TEX15: variants seen among roughly 807,000 people sequenced by gnomAD.
TEX15 encodes testis-expressed protein 15.
A neutral mutation model predicts 237.3 loss-of-function variants in TEX15; 171 were observed. That is an observed-to-expected ratio of 0.72 (90% CI 0.64 to 0.82). The LOEUF (loss-of-function observed/expected upper bound fraction) is 0.82. Among genes scored for constraint, TEX15 ranks in the 40% least tolerant of loss-of-function variants. The probability of loss-of-function intolerance (pLI) is 0.00; values close to 1 mark genes in which losing one functional copy is unlikely to be tolerated. For missense variants in TEX15, 3,750 were observed against 3,646.5 expected (o/e 1.03, Z -0.73); for synonymous variants, 1,338 against 1,269.8 (o/e 1.05, Z -1.14).
chr8:30,849,526 G>A (rs933118997), intron 7 of TEX15, among the ~76,000 whole-genome samples: 1 of 151,992 alleles, frequency 6.6e-6, no homozygotes, highest in Non-Finnish European at 1.5e-5. Context: ...AATTCTCCTC[G>A]TCTAGAAACC....
intron 9 of TEX15, among the ~76,000 whole-genome samples, chr8:30,838,431 T>C (rs879941784): frequency 1.6e-4 from 25 of 152,034 alleles, no homozygotes; most frequent in Non-Finnish European, 1.3e-4. Flanking sequence ...TACTTGTAAA[T>C]AGCTATAAAT....
intron 1 of TEX15, among the ~76,000 whole-genome samples, chr8:30,906,272 T>C (rs1809101726): frequency 6.6e-6 from 1 of 152,172 alleles, no homozygotes; most frequent in South Asian, 2.1e-4. Flanking sequence ...GGGAAGTCTT[T>C]GTTTCTGTTT....
chr8:30,858,719 G>A lies in TEX15; in HGVS notation c.799C>T (p.Arg267Cys), dbSNP rs755905806. Reference sequence around the variant, plus strand: ...AGGAATCTCAAAGATGTCATAAGGCGTCCATTATCTACTTTTGAACCAAGA... The same window carrying A: ...AGGAATCTCAAAGATGTCATAAGGCATCCATTATCTACTTTTGAACCAAGA... ...KFLGSKVDNG[R>C]LMTSLRFLST... The change falls in exon 7 of 11, where the codon CGC becomes TGC. Residue 267 changes from arginine (R) to cysteine (C), a missense_variant. By Grantham distance (180) the Arg-to-Cys change is radical (BLOSUM62 -3). Transcript: ENST00000643185. The A allele has an allele frequency of 2.4e-5, 37 of 1,535,584 alleles. No individual in the cohort carries two copies. Among genetic ancestry groups the A allele is most frequent in the South Asian group, 1.8e-4 (15 of 84,028 alleles).
At chr8:30,841,588 A>G (rs1379057423) in intron 8 of TEX15, among the ~76,000 whole-genome samples, 1 of 152,202 alleles carries the variant, frequency 6.6e-6, no homozygotes, top group African/African-American at 2.4e-5. Flanking sequence ...CATTGGGATG[A>G]TAATGGTCAA....
intron 5 of TEX15, among the ~76,000 whole-genome samples, chr8:30,866,726 TACACACAC>T (rs148604518): frequency 6.7e-6 from 1 of 148,950 alleles, no homozygotes; most frequent in African/African-American, 2.5e-5. Context: ...GACACACACA[TACACACAC>T]ACACACACAC....
chr8:30,842,083 C>A lies in TEX15; in HGVS notation c.8084G>T (p.Arg2695Leu), dbSNP rs760604772. Residue 2695 changes from arginine (R) to leucine (L), a missense_variant, in exon 8 of 11, where the codon CGA (arginine) becomes CTA (leucine). Physicochemically the swap from Arg to Leu is moderately radical, Grantham distance 102. Transcript: ENST00000643185. The stretch of plus-strand genomic sequence containing the variant: ...TTCACATTTGTCTACAGTGCTCGGT[C>A]GTTTTTTAGAGGAATTTGAGATGTT... ...NKNISNSSKK[R>L]PSTVDKCEDS... is the part of the protein sequence containing the mutation. 2.5e-6 allele frequency: 4 copies of A among 1,613,450 alleles called. No homozygotes were observed. The South Asian group carries it at 3.3e-5, about 13-fold the overall frequency.
At chr8:30,889,952 T>TATACATATATATATATATATATAC (rs1264779192) in intron 2 of TEX15, among the ~76,000 whole-genome samples, 1 of 131,946 alleles carries the variant, frequency 7.6e-6, no homozygotes, top group African/African-American at 3.4e-5. Context: ...TATATATATA[T>TATACATATATATATATATATATAC]ACATATATAT....
At chr8:30,910,808 A>C (rs1809200654) in intron 1 of TEX15, among the ~76,000 whole-genome samples, 1 of 151,848 alleles carries the variant, frequency 6.6e-6, no homozygotes, top group African/African-American at 2.4e-5. Flanking sequence ...ACTCTCCCTC[A>C]AATTTTGACA....
intron 10 of TEX15, among the ~76,000 whole-genome samples, chr8:30,836,494 G>A (rs1807303359): frequency 6.6e-6 from 1 of 152,074 alleles, no homozygotes; most frequent in African/African-American, 2.4e-5. Flanking sequence ...TTACAGGTGT[G>A]AGCCACTGCG....
intron 1 of TEX15, among the ~76,000 whole-genome samples, chr8:30,901,177 G>C (rs1056907820): frequency 1.3e-5 from 2 of 151,946 alleles, no homozygotes; most frequent in East Asian, 3.8e-4. Flanking sequence ...AAACCAAAAT[G>C]GTCTTCAATA....
chr8:30,884,158 C>T (rs983578502), intron 3 of TEX15, among the ~76,000 whole-genome samples: 6 of 152,330 alleles, frequency 3.9e-5, no homozygotes, highest in African/African-American at 1.4e-4. Flanking sequence ...TCCTATTTAT[C>T]CACGGCCTCA....
In TEX15 at chr8:30,843,134, G is replaced by C; in HGVS notation, c.7033C>G (p.His2345Asp). ...DTIIASRKSDHPINEATISIE... is the reference protein window; with the variant it reads ...DTIIASRKSDDPINEATISIE... ...CTAATTGTTGCTTCGTTTATTGGAT[G>C]ATCTGACTTTCTGGAAGCAATTATA... The change falls in exon 8 of 11, where the codon CAT becomes GAT. Residue 2345 changes from histidine to aspartate, a missense_variant. Coordinates refer to ENST00000643185, the MANE Select transcript of TEX15 (RefSeq NM_001350162.2). The C allele has an allele frequency of 6.2e-7, 1 of 1,612,984 alleles. No homozygotes were observed. The highest frequency in any genetic ancestry group is 8.5e-7 in the Non-Finnish European group (1 of 1,179,468).
intron 1 of TEX15, among the ~76,000 whole-genome samples, chr8:30,909,314 T>G (rs912750615): frequency 5.9e-5 from 9 of 151,992 alleles, no homozygotes; most frequent in Non-Finnish European, 8.8e-5. Context: ...AGGATTTAAT[T>G]GTCCACATGT....
Position 30,881,311 on chromosome 8 carries a change from T to C in TEX15, c.136+5856A>G, listed in dbSNP as rs564126089. On this transcript the variant is annotated intron_variant, in intron 3 of 10. Transcript: ENST00000643185. ...GAAGAGATTGTATAGTTTCTGTTCT[T>C]TAAATCTTTAGAATTCTCCAGTGAA... Among the ~76,000 whole-genome samples the C allele has an allele frequency of 2.6e-5, 4 of 152,302 alleles. No individual in the cohort carries two copies. In the South Asian group the frequency reaches 8.3e-4, roughly 32 times the overall value.
At chr8:30,909,641 G>C (rs914861774) in intron 1 of TEX15, among the ~76,000 whole-genome samples, 5 of 152,100 alleles carry the variant, frequency 3.3e-5, no homozygotes, top group African/African-American at 1.2e-4. Context: ...TTGTGAAATA[G>C]AGCTATTTCT....
At chr8:30,840,209 T>G (rs1316849840) in intron 8 of TEX15, among the ~76,000 whole-genome samples, 3 of 152,068 alleles carry the variant, frequency 2.0e-5, no homozygotes, top group African/African-American at 7.2e-5. Context: ...ATCTTTTTTT[T>G]TTTTGAGATG....
intron 1 of TEX15, among the ~76,000 whole-genome samples, chr8:30,907,545 A>G (rs1809130482): frequency 6.9e-6 from 1 of 145,616 alleles, no homozygotes; most frequent in Non-Finnish European, 1.5e-5. Flanking sequence ...TATAAAATGT[A>G]TATACAAAAT....
intron 8 of TEX15, among the ~76,000 whole-genome samples, chr8:30,840,435 A>T (rs1191886711): frequency 6.6e-6 from 1 of 152,142 alleles, no homozygotes. Flanking sequence ...ACCTCAGGTG[A>T]TCCATCTGCC....
intron 2 of TEX15, among the ~76,000 whole-genome samples, chr8:30,892,830 G>A (rs535893631): frequency 9.0e-4 from 137 of 152,104 alleles, no homozygotes; most frequent in Non-Finnish European, 1.6e-3. Flanking sequence ...TCAGGAGATC[G>A]AGACCATCCT....
Sources: gnomAD v4.1 joint callset for allele counts (sites outside exome capture counted in the v4.1 genomes callset) on GRCh38, gnomAD v4.1.1 for gene constraint, MANE v1.5 for transcripts, NCBI Gene and HGNC (gene_info 2026-07-23, HGNC 2026-07-21) for gene names.